The following LIMD1 variants were observed in gnomAD, a reference collection of about 807,000 sequenced individuals.
LIMD1 encodes the protein LIM domain containing 1.
Under a neutral mutation model 58.4 loss-of-function variants are expected in LIMD1, and 23 were observed. The ratio of observed to expected loss-of-function variants is 0.39; its 90% CI spans 0.28 to 0.56. The LOEUF (loss-of-function observed/expected upper bound fraction) is 0.56, where lower values mean the gene tolerates loss of function less well. Among genes scored for constraint, LIMD1 ranks in the 20% least tolerant of loss-of-function variants. The probability of loss-of-function intolerance (pLI) is 0.57; values close to 1 mark genes in which losing one functional copy is unlikely to be tolerated. For missense variants in LIMD1, 838 were observed against 855.5 expected (o/e 0.98, Z 0.25); for synonymous variants, 334 against 345.5 (o/e 0.97, Z 0.37).
At position 45,603,708 on chromosome 3, in the gene LIMD1, G is replaced by T. The variant is rs1488936766; in HGVS notation, c.1408+7421G>T. 2.6e-5 allele frequency among the ~76,000 whole-genome samples: 4 copies of T among 152,082 alleles called. No homozygotes were observed. In the East Asian group the frequency reaches 7.7e-4, roughly 29 times the overall value. On this transcript the variant is annotated intron_variant, in intron 1 of 7. Transcript: ENST00000273317. ...AATTGAGGCAGAGTCTCACCATATT[G>T]CTTAGGCTGGTTTTGAACTCCCAGC...
rs1697691760 is a variant in LIMD1, at chr3:45,677,837, T to A, written c.*778T>A. 1 of 152,198 alleles carries A rather than the reference T, an allele frequency of 6.6e-6. No individual in the cohort carries two copies. Among genetic ancestry groups the A allele is most frequent in the African/African-American group, 2.4e-5 (1 of 41,442 alleles). 9.4% of individuals were successfully genotyped at this position (152,198 alleles called of 1,614,324 possible). The stretch of plus-strand genomic sequence containing the variant: ...GTGCAGGCACCAGGATTTTTTTTTT[T>A]GCCCACGTGTTTGCGCTGTTTTTCT... On this transcript the variant is annotated 3_prime_UTR_variant, in exon 8 of 8. Coordinates refer to ENST00000273317, the MANE Select transcript of LIMD1 (RefSeq NM_014240.3).
At chr3:45,656,493 A>G (rs939619713) in intron 2 of LIMD1, among the ~76,000 whole-genome samples, 1 of 149,786 alleles carries the variant, frequency 6.7e-6, no homozygotes, top group African/African-American at 2.4e-5. Flanking sequence ...CAACCGTAAT[A>G]TAGTAAGTGA....
intron 1 of LIMD1, among the ~76,000 whole-genome samples, chr3:45,613,734 G>T (rs1298373676): frequency 1.3e-5 from 2 of 151,930 alleles, no homozygotes; most frequent in African/African-American, 4.8e-5. Context: ...CTGGCTTCAA[G>T]TGATTCTCCT....
chr3:45,640,722 T>A (rs4234450), intron 2 of LIMD1, among the ~76,000 whole-genome samples: 1 of 152,104 alleles, frequency 6.6e-6, no homozygotes, highest in African/African-American at 2.4e-5. Flanking sequence ...GAGCCACCAC[T>A]CCCAACCCTT....
In LIMD1 at chr3:45,595,150, G is replaced by A. The variant is rs1559510900; in HGVS notation, c.271G>A (p.Glu91Lys). 4 of 1,605,374 alleles carry A rather than the reference G, an allele frequency of 2.5e-6. No individual in the cohort carries two copies. Among genetic ancestry groups the A allele is most frequent in the Non-Finnish European group, 1.7e-6 (2 of 1,175,376 alleles). Residue 91 changes from glutamate to lysine, a missense_variant, in exon 1 of 8, where the codon GAA becomes AAA. Glu to Lys is a moderately conservative substitution (Grantham distance 56, BLOSUM62 1). Around this residue, in one of 3 missense-constraint regions of LIMD1, gnomAD observed 659 missense variants for 639.8 expected, o/e 1.03. Transcript: ENST00000273317. ...GGRLGPQARWEVVGSKLTVDG... is the reference protein window; with the variant it reads ...GGRLGPQARWKVVGSKLTVDG... The stretch of plus-strand genomic sequence containing the variant: ...CCGCCTGGGCCCACAGGCCCGTTGG[G>A]AAGTTGTGGGCAGCAAGCTGACTGT...
chr3:45,655,108 T>C (rs1219862950), intron 2 of LIMD1, among the ~76,000 whole-genome samples: 2 of 151,904 alleles, frequency 1.3e-5, no homozygotes, highest in Admixed American at 1.3e-4. Context: ...TTAGTAGAGA[T>C]GGGGTTTCAC....
intron 2 of LIMD1, among the ~76,000 whole-genome samples, chr3:45,641,287 G>A (rs1436872518): frequency 1.3e-5 from 2 of 152,026 alleles, no homozygotes; most frequent in Non-Finnish European, 2.9e-5. Flanking sequence ...TGTTTTTCTG[G>A]TTCTCCCTCC....
rs150256019 is a variant in LIMD1 at position 45,595,833 on chromosome 3, G to A, written c.954G>A (p.Leu318=). The A allele has an allele frequency of 1.9e-5, 30 of 1,614,076 alleles. No individual in the cohort carries two copies. Among genetic ancestry groups the A allele is most frequent in the African/African-American group, 1.7e-4 (13 of 74,928 alleles). The change falls in exon 1 of 8, where the codon CTG becomes CTA. Residue 318 remains leucine, a synonymous_variant. Transcript: ENST00000273317. ...QGGLPRSNSG[L]GGEVSGVMSK... The stretch of plus-strand genomic sequence containing the variant: ...GTCTTCCAAGATCAAACTCGGGGCT[G>A]GGGGGTGAGGTTTCAGGTGTGATGT...
In LIMD1 at chr3:45,595,301, C is replaced by T. The variant is rs761151217; in HGVS notation, c.422C>T (p.Thr141Met). 16 of 1,613,350 alleles carry T rather than the reference C, an allele frequency of 9.9e-6. No individual in the cohort carries two copies. Among genetic ancestry groups the T allele is most frequent in the Admixed American group, 1.7e-5 (1 of 60,030 alleles). Residue 141 changes from threonine (T) to methionine (M), a missense_variant, in exon 1 of 8, where the codon ACG becomes ATG. By Grantham distance (81) the Thr-to-Met change is moderately conservative (BLOSUM62 -1). This residue lies in a region of LIMD1 where 659 missense variants were observed against 639.8 expected (regional missense o/e 1.03). Coordinates refer to ENST00000273317, the MANE Select transcript of LIMD1 (RefSeq NM_014240.3). ...AGATCCAGGCCATACCTGCATGGCA[C>T]GAGGCATGGCAGCCAGGACTGTGGT... ...EQRSRPYLHGTRHGSQDCGSR... is the reference protein window; with the variant it reads ...EQRSRPYLHGMRHGSQDCGSR...
intron 1 of LIMD1, among the ~76,000 whole-genome samples, chr3:45,602,096 C>T (rs1575341484): frequency 1.3e-5 from 2 of 152,234 alleles, no homozygotes; most frequent in East Asian, 3.9e-4. Context: ...GCGCCCGCCA[C>T]CACGCCCAGC....
intron 2 of LIMD1, among the ~76,000 whole-genome samples, chr3:45,665,067 A>G (rs1218179601): frequency 2.6e-5 from 4 of 152,122 alleles, no homozygotes; most frequent in Non-Finnish European, 4.4e-5. Flanking sequence ...CATCCAAGGA[A>G]TCAGGGTGCT....
rs371445381 is a variant in LIMD1, at chr3:45,595,465, G to A, written c.586G>A (p.Val196Met). The change falls in exon 1 of 8, where the codon GTG (valine) becomes ATG (methionine). Residue 196 changes from valine to methionine, a missense_variant. Coordinates refer to ENST00000273317, the MANE Select transcript of LIMD1 (RefSeq NM_014240.3). The part of the protein sequence containing the change: ...ASPKWGDKPG[V>M]SPSIGLSVGS... ...CCCAAAGTGGGGTGACAAACCAGGAGTGTCCCCCAGCATCGGCCTGAGTGT... is the reference window on the plus strand; with the variant it reads ...CCCAAAGTGGGGTGACAAACCAGGAATGTCCCCCAGCATCGGCCTGAGTGT... 4.3e-6 allele frequency: 7 copies of A among 1,613,950 alleles called. No individual in the cohort carries two copies. In the South Asian group the frequency reaches 7.7e-5, roughly 18 times the overall value.
At chr3:45,614,537 A>G (rs1319985491) in intron 1 of LIMD1, among the ~76,000 whole-genome samples, 1 of 151,888 alleles carries the variant, frequency 6.6e-6, no homozygotes, top group African/African-American at 2.4e-5. Flanking sequence ...AGCCTGGGCA[A>G]CATGGTGAAA....
intron 2 of LIMD1, among the ~76,000 whole-genome samples, chr3:45,637,719 C>CTAAT (rs1401854686): frequency 6.6e-6 from 1 of 151,242 alleles, no homozygotes; most frequent in Non-Finnish European, 1.5e-5. Flanking sequence ...GCCAGAGATC[C>CTAAT]TAATTCCCAG....
At chr3:45,606,674 T>C (rs1482733233) in intron 1 of LIMD1, among the ~76,000 whole-genome samples, 2 of 152,196 alleles carry the variant, frequency 1.3e-5, no homozygotes, top group African/African-American at 2.4e-5. Context: ...CCCCAAGTGC[T>C]GCAGGCATAG....
chr3:45,656,894 G>A (rs1697334476), intron 2 of LIMD1, among the ~76,000 whole-genome samples: 1 of 152,188 alleles, frequency 6.6e-6, no homozygotes, highest in Non-Finnish European at 1.5e-5. Context: ...GGCCTCCAGG[G>A]CTGGCTGGCT....
At chr3:45,647,548 G>A (rs1051482811) in intron 2 of LIMD1, among the ~76,000 whole-genome samples, 1 of 152,180 alleles carries the variant, frequency 6.6e-6, no homozygotes, top group Non-Finnish European at 1.5e-5. Context: ...ATCCGCAGCA[G>A]CCCTGCAATG....
At chr3:45,659,742 G>C (rs990547588) in intron 2 of LIMD1, among the ~76,000 whole-genome samples, 1 of 151,994 alleles carries the variant, frequency 6.6e-6, no homozygotes, top group Non-Finnish European at 1.5e-5. Flanking sequence ...TTCCTCTAAG[G>C]CTGCCAGTTT....
chr3:45,635,272 A>G (rs1701774601), intron 1 of LIMD1, among the ~76,000 whole-genome samples: 1 of 151,980 alleles, frequency 6.6e-6, no homozygotes, highest in Admixed American at 6.5e-5. Flanking sequence ...TCGATGGATG[A>G]TCTCCCTATG....
Sources: gnomAD v4.1 joint callset for allele counts (sites outside exome capture counted in the v4.1 genomes callset) on GRCh38, gnomAD v4.1.1 for gene constraint, gnomAD v4.1.1 regional missense constraint, MANE v1.5 for transcripts, NCBI Gene and HGNC (gene_info 2026-07-23, HGNC 2026-07-21) for gene names.